TTC39B: variants seen among roughly 807,000 people sequenced by gnomAD.
TTC39B encodes tetratricopeptide repeat domain 39B, also known as tetratricopeptide repeat protein 39B.
In TTC39B, 92 loss-of-function variants were observed where a neutral mutation model predicts 96.6. That is an observed-to-expected ratio of 0.95 (90% CI 0.80 to 1.13). The LOEUF (loss-of-function observed/expected upper bound fraction) is 1.13. Ranked by LOEUF, TTC39B falls within the 50% of genes most tolerant of loss-of-function variation. TTC39B has a pLI of 0.00. For synonymous variants in TTC39B, 367 were observed against 299.4 expected (o/e 1.23, Z -2.33); for missense variants, 955 against 809.3 (o/e 1.18, Z -2.18).
At chr9:15,223,141 A>G (rs540726123) in intron 3 of TTC39B, among the ~76,000 whole-genome samples, 2 of 152,358 alleles carry the variant, frequency 1.3e-5, no homozygotes, top group African/African-American at 4.8e-5. Context: ...CAAGAATTTG[A>G]GAGTGACAAG....
At chr9:15,282,665 C>G (rs1290469540) in intron 1 of TTC39B, among the ~76,000 whole-genome samples, 1 of 152,184 alleles carries the variant, frequency 6.6e-6, no homozygotes, top group Non-Finnish European at 1.5e-5. Context: ...GCTCCACAAA[C>G]TTTTACATAT....
chr9:15,185,465 T>C, intron 15 of TTC39B, 59 bp from the exon 16 acceptor site: 1 of 1,599,896 alleles, frequency 6.3e-7, no homozygotes, highest in South Asian at 1.1e-5. Context: ...ACATTATTTG[T>C]ACCTGTGGTT....
intron 17 of TTC39B, among the ~76,000 whole-genome samples, chr9:15,179,180 C>T (rs1818116001): frequency 6.6e-6 from 1 of 152,166 alleles, no homozygotes; most frequent in Admixed American, 6.5e-5. Context: ...CACATTTACA[C>T]TTTTGAAATT....
At chr9:15,204,093 G>A (rs959912366) in intron 6 of TTC39B, among the ~76,000 whole-genome samples, 1 of 152,148 alleles carries the variant, frequency 6.6e-6, no homozygotes, top group Admixed American at 6.5e-5. Flanking sequence ...GAAGTGTTCA[G>A]GGAAGTCATC....
chr9:15,263,243 C>A (rs951114695), intron 2 of TTC39B, among the ~76,000 whole-genome samples: 1 of 152,190 alleles, frequency 6.6e-6, no homozygotes, highest in African/African-American at 2.4e-5. Flanking sequence ...CACACTCTTA[C>A]AAGGGAGAGC....
intron 11 of TTC39B, 98 bp from the exon 12 acceptor site, chr9:15,189,890 A>C: frequency 1.3e-6 from 1 of 750,714 alleles, no homozygotes; most frequent in Non-Finnish European, 2.3e-6. Context: ...AGACCTACTC[A>C]TGGAAAAGAT....
chr9:15,201,757 C>CG (rs972165134), intron 7 of TTC39B, among the ~76,000 whole-genome samples: 3 of 151,994 alleles, frequency 2.0e-5, no homozygotes, highest in Non-Finnish European at 2.9e-5. Context: ...CTGTAAGGTG[C>CG]GGGGGGCGGG....
rs201537833 is a variant in TTC39B, at chr9:15,189,048, G to GA, written c.1233+525dup. Among the ~76,000 whole-genome samples the GA allele has an allele frequency of 8.2e-3, 1,245 of 151,244 alleles. 26 individuals are homozygous for GA. Among genetic ancestry groups the GA allele is most frequent in the African/African-American group, 0.028 (1,168 of 41,234 alleles). On this transcript the variant is annotated intron_variant, in intron 13 of 19. Transcript: ENST00000512701. ...AGATCCAAGACATATTGTAAACAGT[G>GA]AAAAAAAAATCACAGAAAAATACAT... is the stretch of plus-strand genomic sequence containing the variant.
chr9:15,291,576 T>C (rs979561189), intron 1 of TTC39B, among the ~76,000 whole-genome samples: 4 of 152,196 alleles, frequency 2.6e-5, no homozygotes, highest in Admixed American at 6.5e-5. Context: ...GTAGAGTTCA[T>C]ATGGATGATG....
In TTC39B at chr9:15,304,951, T is replaced by C. The variant is rs940513165; in HGVS notation, c.240+2133A>G. 3.3e-5 allele frequency among the ~76,000 whole-genome samples: 5 copies of C among 152,212 alleles called. 1 individual carries two copies. The highest frequency in any genetic ancestry group is 7.3e-5 in the Non-Finnish European group (5 of 68,044). On this transcript the variant is annotated intron_variant, in intron 1 of 19. Transcript: ENST00000512701. ...ACCTAACCTGGTACTTTTCCAACTA[T>C]ATCACTTTGTCCCTTTTAACTCCCC...
rs754365052 is a variant in TTC39B, at chr9:15,172,117, C to T, written c.1959-8G>A. ...TAATCTTTGTAGTTGTTCCTGAAGA[C>T]AATAACAATAAAATTGTACAGTCAA... is the stretch of plus-strand genomic sequence containing the variant. On this transcript the variant is annotated splice_region_variant and splice_polypyrimidine_tract_variant and intron_variant, in intron 19 of 19. Transcript: ENST00000512701. The T allele has an allele frequency of 1.2e-6, 2 of 1,604,908 alleles. No homozygotes were observed. Among genetic ancestry groups the T allele is most frequent in the African/African-American group, 2.7e-5 (2 of 74,804 alleles).
intron 3 of TTC39B, among the ~76,000 whole-genome samples, chr9:15,223,944 C>T (rs953059699): frequency 6.6e-6 from 1 of 152,104 alleles, no homozygotes; most frequent in Non-Finnish European, 1.5e-5. Flanking sequence ...TTATATTTCA[C>T]CTCCATTTCC....
At chr9:15,202,424 G>C (rs1819593534) in intron 7 of TTC39B, among the ~76,000 whole-genome samples, 1 of 152,108 alleles carries the variant, frequency 6.6e-6, no homozygotes, top group Non-Finnish European at 1.5e-5. Flanking sequence ...TAATTCAAAA[G>C]ATTGTGGCTG....
intron 1 of TTC39B, among the ~76,000 whole-genome samples, chr9:15,280,386 A>G (rs1259539588): frequency 6.6e-6 from 1 of 152,240 alleles, no homozygotes; most frequent in Non-Finnish European, 1.5e-5. Context: ...ATGAAACATC[A>G]GGTTTCCTTC....
chr9:15,217,154 C>T (rs887553314), intron 3 of TTC39B, among the ~76,000 whole-genome samples: 1 of 152,182 alleles, frequency 6.6e-6, no homozygotes, highest in African/African-American at 2.4e-5. Flanking sequence ...ACCATAGTGG[C>T]AGAGAGGATG....
intron 16 of TTC39B, 39 bp from the exon 17 acceptor site, chr9:15,182,454 G>T: frequency 7.0e-7 from 1 of 1,425,024 alleles, no homozygotes; most frequent in Non-Finnish European, 9.8e-7. Flanking sequence ...AGTTATATGA[G>T]GTTATTCAAT....
At chr9:15,251,238 C>A (rs953965525) in intron 2 of TTC39B, among the ~76,000 whole-genome samples, 6 of 151,762 alleles carry the variant, frequency 4.0e-5, no homozygotes, top group African/African-American at 1.2e-4. Flanking sequence ...TGTGGTATTT[C>A]CAAATTATAA....
chr9:15,188,149 C>G lies in TTC39B; in HGVS notation c.1234-17G>C, dbSNP rs757448800. 1.5e-5 allele frequency: 24 copies of G among 1,572,244 alleles called. No homozygotes were observed. The South Asian group carries it at 2.9e-4, about 19-fold the overall frequency. On this transcript the variant is annotated splice_polypyrimidine_tract_variant and intron_variant, in intron 13 of 19. Transcript: ENST00000512701. ...TTCTTGTGCCTGTAAATCAAGTACA[C>G]AAAGTTGATCGTCCAGATATTAGAC...
chr9:15,281,928 T>C (rs978664956), intron 1 of TTC39B, among the ~76,000 whole-genome samples: 5 of 152,148 alleles, frequency 3.3e-5, no homozygotes, highest in Admixed American at 3.3e-4. Flanking sequence ...TCCACCCACC[T>C]CAGCCTCCCA....
Sources: gnomAD v4.1 joint callset for allele counts (sites outside exome capture counted in the v4.1 genomes callset) on GRCh38, gnomAD v4.1.1 for gene constraint, MANE v1.5 for transcripts, NCBI Gene and HGNC (gene_info 2026-07-23, HGNC 2026-07-21) for gene names.